The following HK3 variants were observed in gnomAD, a reference collection of about 807,000 sequenced individuals.
The protein encoded by HK3 is hexokinase 3.
HK3 carries 93 observed loss-of-function variants against 91.0 expected under a neutral mutation model. The observed-to-expected ratio is 1.02, with a 90% CI of 0.86 to 1.21. HK3 has a LOEUF of 1.21. Among genes scored for constraint, HK3 ranks in the 50% most tolerant of loss-of-function variants. The pLI, the probability that HK3 is intolerant of heterozygous loss-of-function variation, is 0.00. For synonymous variants in HK3, 519 were observed against 516.9 expected, an observed-to-expected ratio of 1.00 and a Z score of -0.06; for missense variants, 1,235 against 1,247.4, an observed-to-expected ratio of 0.99 and a Z score of 0.15.
chr5:176,892,517 C>T (rs1758805221), intron 2 of HK3, among the ~76,000 whole-genome samples: 1 of 152,042 alleles, frequency 6.6e-6, no homozygotes, highest in Non-Finnish European at 1.5e-5. Context: ...CCCCAGGGAC[C>T]TCATCCCTGT....
chr5:176,888,044 G>A (rs541377711), intron 10 of HK3, among the ~76,000 whole-genome samples: 9 of 152,204 alleles, frequency 5.9e-5, no homozygotes, highest in East Asian at 5.8e-4. Context: ...GATTACAGGC[G>A]TGTACCACCA....
rs529613291 is a variant in HK3, at chr5:176,887,612, C to G, written c.1439G>C (p.Arg480Pro). 1.1e-5 allele frequency: 17 copies of G among 1,613,724 alleles called. No homozygotes were observed. Among genetic ancestry groups the G allele is most frequent in the Non-Finnish European group, 1.4e-5 (16 of 1,179,980 alleles). The change falls in exon 11 of 19, where the codon CGG (arginine) becomes CCG (proline). Residue 480 changes from arginine (R) to proline (P), a missense_variant. By Grantham distance (103) the Arg-to-Pro change is moderately radical (BLOSUM62 -2). Coordinates refer to ENST00000292432, the MANE Select transcript of HK3 (RefSeq NM_002115.3). This position sits in a 1 kb window ranked among gnomAD's most constrained non-coding sequence, Gnocchi z 4.9. ...GGCCAGGGTCTCCTCCAGCAGGCGC[C>G]GGTGGGCAGCCAGACGGGCAGCCAC... ...TAVAARLAAH[R>P]RLLEETLAPF...
At position 176,889,470 on chromosome 5, in the gene HK3, G is replaced by A; in HGVS notation, c.825C>T (p.Gly275=). ...RGRVCVSVEW[G]SFSDDGALGP... ...CCAGCGCCCCATCATCGCTGAAGGA[G>A]CCCCACTCGACGCTGACGCAGACGC... The change falls in exon 8 of 19, where the codon GGC becomes GGT. Residue 275 remains glycine (G), a synonymous_variant. Coordinates refer to ENST00000292432, the MANE Select transcript of HK3 (RefSeq NM_002115.3). The A allele has an allele frequency of 6.2e-7, 1 of 1,614,194 alleles. No individual in the cohort carries two copies. Among genetic ancestry groups the A allele is most frequent in the Non-Finnish European group, 8.5e-7 (1 of 1,180,038 alleles).
In HK3 at chr5:176,888,869, A is replaced by AG. The variant is rs754348570; in HGVS notation, c.915-6dup. The AG allele has an allele frequency of 6.2e-7, 1 of 1,609,874 alleles. No homozygotes were observed. The highest frequency in any genetic ancestry group is 8.5e-7 in the Non-Finnish European group (1 of 1,177,302). On this transcript the variant is annotated splice_region_variant and splice_polypyrimidine_tract_variant and intron_variant, in intron 8 of 18. Coordinates refer to ENST00000292432, the MANE Select transcript of HK3 (RefSeq NM_002115.3). ...CCTCCGATCATCTTCTCAAACCTGC[A>AG]GGGGGGAAGGGTGGCTGGAGGAAGC... is the stretch of plus-strand genomic sequence containing the variant.
At chr5:176,895,071 C>T in intron 2 of HK3, among the ~76,000 whole-genome samples, 1 of 148,010 alleles carries the variant, frequency 6.8e-6, no homozygotes, top group Non-Finnish European at 1.5e-5. Context: ...GCCACTGCGC[C>T]CGGACTTTTT....
At chr5:176,893,059 A>C (rs1013566336) in intron 2 of HK3, among the ~76,000 whole-genome samples, 8 of 152,156 alleles carry the variant, frequency 5.3e-5, no homozygotes, top group African/African-American at 1.9e-4. Context: ...ACATCCAGGA[A>C]CTCAGGCAGT....
Position 176,881,325 on chromosome 5 carries a change from T to C in HK3, c.2604A>G (p.Gly868=). ...ACCGCGGGTGCAGCTTGTAGAGCGT[T>C]CCATCCACCCCCACAGACACTGCCA... ...EELAVSVGVD[G]TLYKLHPRFS... The change falls in exon 18 of 19, where the codon GGA becomes GGG. Residue 868 remains glycine (G), a synonymous_variant. Coordinates refer to ENST00000292432, the MANE Select transcript of HK3 (RefSeq NM_002115.3). The C allele has an allele frequency of 1.2e-6, 2 of 1,613,892 alleles. No homozygotes were observed. Among genetic ancestry groups the C allele is most frequent in the Non-Finnish European group, 1.7e-6 (2 of 1,179,984 alleles).
Position 176,890,611 on chromosome 5 carries a change from C to T in HK3, c.630+24G>A, listed in dbSNP as rs1188841662. The T allele has an allele frequency of 2.0e-5, 32 of 1,607,772 alleles. 1 individual carries two copies. In the East Asian group the frequency reaches 6.9e-4, roughly 35 times the overall value. On this transcript the variant is annotated intron_variant, in intron 6 of 18. Coordinates refer to ENST00000292432, the MANE Select transcript of HK3 (RefSeq NM_002115.3). ...GGCCCAGGCCAACATGGGCAGCCCT[C>T]CTGTCACCCCTCCCTCCACTCACCC...
intron 1 of HK3, among the ~76,000 whole-genome samples, chr5:176,898,015 G>A (rs991387130): frequency 6.6e-6 from 1 of 152,070 alleles, no homozygotes; most frequent in African/African-American, 2.4e-5. Flanking sequence ...TCACTCACAC[G>A]GCCGTTCGGG....
rs747900803 is a variant in HK3, at chr5:176,887,689, G to A, written c.1362C>T (p.Ser454=). 1 of 1,613,560 alleles carries A rather than the reference G, an allele frequency of 6.2e-7. No homozygotes were observed. Among genetic ancestry groups the A allele is most frequent in the South Asian group, 1.1e-5 (1 of 91,066 alleles). ...VMLLAPECDV[S]LIPSVDGGGR... is the part of the protein sequence containing the mutation. Reference sequence around the variant, plus strand: ...CACCACCATCCACAGAGGGGATTAAGGAGACATCGCATTCCGGGGCCAGGA... The same window carrying A: ...CACCACCATCCACAGAGGGGATTAAAGAGACATCGCATTCCGGGGCCAGGA... Residue 454 remains serine (S), a synonymous_variant, in exon 11 of 19, where the codon TCC becomes TCT. Transcript: ENST00000292432. The surrounding 1 kb of genome is among the most constrained non-coding windows in gnomAD (Gnocchi z 4.9).
At position 176,881,506 on chromosome 5, in the gene HK3, G is replaced by A; in HGVS notation, c.2423C>T (p.Ala808Val). 6.2e-7 allele frequency: 1 copy of A among 1,604,390 alleles called. No individual in the cohort carries two copies. ...SDSLALRQVR[A>V]ILEDLGLPLT... ...GGGTAGCCCCAGATCCTCTAGGATG[G>A]CTCGGACCTGCCGCAGGGCCAGGCT... The change falls in exon 18 of 19, where the codon GCC becomes GTC. Residue 808 changes from alanine to valine, a missense_variant. Transcript: ENST00000292432.
At position 176,881,674 on chromosome 5, in the gene HK3, A is replaced by C. The variant is rs1448322172; in HGVS notation, c.2393+18T>G. 14 of 1,613,486 alleles carry C rather than the reference A, an allele frequency of 8.7e-6. No individual in the cohort carries two copies. The highest frequency in any genetic ancestry group is 1.2e-5 in the Non-Finnish European group (14 of 1,179,666). ...AAAGACCCCCTGAAGTGGGGGAGGC[A>C]ATGTAGGCCTCAGGCACCTTTCGAT... is the stretch of plus-strand genomic sequence containing the variant. On this transcript the variant is annotated intron_variant, in intron 17 of 18. Coordinates refer to ENST00000292432, the MANE Select transcript of HK3 (RefSeq NM_002115.3).
At chr5:176,892,580 C>T (rs530316051) in intron 2 of HK3, among the ~76,000 whole-genome samples, 2 of 152,260 alleles carry the variant, frequency 1.3e-5, no homozygotes, top group South Asian at 4.1e-4. Context: ...AAAGAAGCCC[C>T]AACAGCCTCC....
chr5:176,888,672 A>G lies in HK3; in HGVS notation c.1070+37T>C, dbSNP rs369924589. 5.0e-6 allele frequency: 8 copies of G among 1,613,738 alleles called. No homozygotes were observed. The African/African-American group carries it at 9.3e-5, about 19-fold the overall frequency. On this transcript the variant is annotated intron_variant, in intron 9 of 18. Coordinates refer to ENST00000292432, the MANE Select transcript of HK3 (RefSeq NM_002115.3). The stretch of plus-strand genomic sequence containing the variant: ...GAGTATCATCCCCTTCCTCCAAGCC[A>G]AGAATCCCCCACTAAACCACCATCT...
chr5:176,886,537 G>A (rs1201744219), intron 13 of HK3, among the ~76,000 whole-genome samples: 1 of 152,046 alleles, frequency 6.6e-6, no homozygotes, highest in Non-Finnish European at 1.5e-5. Flanking sequence ...AAGCTAAAGT[G>A]TGTGCTGAGT....
intron 15 of HK3, 98 bp downstream of exon 15, chr5:176,883,672 C>T: frequency 4.1e-6 from 4 of 968,314 alleles, no homozygotes; most frequent in African/African-American, 3.2e-5. Context: ...AGAGCAATCC[C>T]ACATCCCCAC....
chr5:176,885,298 G>T (rs1189411647), intron 13 of HK3, among the ~76,000 whole-genome samples: 1 of 152,222 alleles, frequency 6.6e-6, no homozygotes, highest in East Asian at 1.9e-4. Flanking sequence ...AGGGCCCGGG[G>T]CACCTCCCTG....
At position 176,896,073 on chromosome 5, in the gene HK3, G is replaced by C; in HGVS notation, c.87C>G (p.Ser29Arg). The change falls in exon 2 of 19, where the codon AGC (serine) becomes AGG (arginine). Residue 29 changes from serine (S) to arginine (R), a missense_variant. Coordinates refer to ENST00000292432, the MANE Select transcript of HK3 (RefSeq NM_002115.3). ...CCAGTGCTGAACTTACCAGCTCTGAGCTGTCTGAGGGCCCGGGCAAGCCCT... is the reference window on the plus strand; with the variant it reads ...CCAGTGCTGAACTTACCAGCTCTGACCTGTCTGAGGGCCCGGGCAAGCCCT... ...SEEGLPGPSD[S>R]SELVQECLQQ... is the part of the protein sequence containing the mutation. The C allele has an allele frequency of 6.2e-7, 1 of 1,613,770 alleles. No homozygotes were observed. The highest frequency in any genetic ancestry group is 8.5e-7 in the Non-Finnish European group (1 of 1,179,710).
At chr5:176,883,711 C>A in intron 15 of HK3, 59 bp downstream of exon 15, 1 of 1,338,172 alleles carries the variant, frequency 7.5e-7, no homozygotes, top group South Asian at 1.2e-5. Flanking sequence ...CCAGAGGAAT[C>A]AACAGAAGGC....
Sources: gnomAD v4.1 joint callset for allele counts (sites outside exome capture counted in the v4.1 genomes callset) on GRCh38, gnomAD v4.1.1 for gene constraint, Gnocchi (gnomAD v3.1) non-coding constraint, MANE v1.5 for transcripts, NCBI Gene and HGNC (gene_info 2026-07-23, HGNC 2026-07-21) for gene names.